The following SMAD5 variants were observed in gnomAD, a reference collection of about 807,000 sequenced individuals.
The protein encoded by SMAD5 is SMAD family member 5.
A neutral mutation model predicts 43.1 loss-of-function variants in SMAD5; 9 were observed. The observed-to-expected ratio is 0.21, with a 90% confidence interval of 0.13 to 0.36. SMAD5 has a LOEUF of 0.36. Ranked by LOEUF, SMAD5 falls within the 10% of genes least tolerant of loss-of-function variation. The probability of loss-of-function intolerance (pLI) is 1.00; values close to 1 mark genes in which losing one functional copy is unlikely to be tolerated. For synonymous variants in SMAD5, 190 were observed against 192.4 expected, an observed-to-expected ratio of 0.99 and a Z score of 0.10; for missense variants, 348 against 574.0, an observed-to-expected ratio of 0.61 and a Z score of 4.02.
rs145556153 is a variant in SMAD5, at chr5:136,170,834, G to A, written c.776-1600G>A. On this transcript the variant is annotated intron_variant, in intron 5 of 7. Coordinates refer to ENST00000545279, the MANE Select transcript of SMAD5 (RefSeq NM_005903.7). Reference sequence around the variant, plus strand: ...AGTATTTAATTTTGGGGATACTAATGTAAATTATAATTTTTTTATTTTAAA... The same window carrying A: ...AGTATTTAATTTTGGGGATACTAATATAAATTATAATTTTTTTATTTTAAA... Among the ~76,000 whole-genome samples, 229 of 152,094 alleles carry A rather than the reference G, an allele frequency of 1.5e-3. 3 individuals are homozygous for A. Among genetic ancestry groups the A allele is most frequent in the African/African-American group, 5.2e-3 (218 of 41,540 alleles).
In SMAD5 at chr5:136,159,708, A is replaced by C. The variant is rs146962167; in HGVS notation, c.404-1148A>C. ...TGCGAGGGGAATAGCAGTTGTTAAC[A>C]CACAGTAGAACAAAACGATTGTAGT... On this transcript the variant is annotated intron_variant, in intron 3 of 7. Transcript: ENST00000545279. Among the ~76,000 whole-genome samples the C allele has an allele frequency of 4.7e-4, 72 of 152,356 alleles. 1 individual carries two copies. The highest frequency in any genetic ancestry group is 1.6e-3 in the African/African-American group (68 of 41,570).
intron 3 of SMAD5, among the ~76,000 whole-genome samples, chr5:136,155,952 C>T (rs1448108940): frequency 6.6e-6 from 1 of 152,136 alleles, no homozygotes; most frequent in African/African-American, 2.4e-5. Flanking sequence ...TGCTGCATGA[C>T]AGATTGCCAC....
chr5:136,182,252 T>C lies in SMAD5; in HGVS notation c.*4772T>C, dbSNP rs1386211450. 6.6e-6 allele frequency: 1 copy of C among 151,994 alleles called. No individual in the cohort carries two copies. Among genetic ancestry groups the C allele is most frequent in the African/African-American group, 2.4e-5 (1 of 41,286 alleles). 9.4% of individuals were successfully genotyped at this position (151,994 alleles called of 1,614,324 possible). ...TTTGTGGAAAAAAAAAAAAAATCTT[T>C]TAGGGTCAGATTTTCCCTTCTAATA... is the stretch of plus-strand genomic sequence containing the variant. On this transcript the variant is annotated 3_prime_UTR_variant, in exon 8 of 8. Coordinates refer to ENST00000545279, the MANE Select transcript of SMAD5 (RefSeq NM_005903.7).
intron 4 of SMAD5, among the ~76,000 whole-genome samples, chr5:136,161,832 TG>T (rs1305156461): frequency 6.6e-6 from 1 of 152,216 alleles, no homozygotes; most frequent in Non-Finnish European, 1.5e-5. Context: ...GATAACGTCT[TG>T]GAAACTGACT....
intron 5 of SMAD5, among the ~76,000 whole-genome samples, chr5:136,170,343 T>G (rs961875058): frequency 6.6e-6 from 1 of 152,196 alleles, no homozygotes; most frequent in Non-Finnish European, 1.5e-5. Flanking sequence ...GAAAAGATTT[T>G]TTTTTCTTCC....
intron 2 of SMAD5, among the ~76,000 whole-genome samples, chr5:136,152,347 C>G (rs1266358330): frequency 6.6e-6 from 1 of 152,066 alleles, no homozygotes; most frequent in African/African-American, 2.4e-5. Context: ...AACAAAGAAT[C>G]AATAATTATT....
intron 5 of SMAD5, among the ~76,000 whole-genome samples, chr5:136,170,339 AT>A (rs899083613): frequency 5.3e-5 from 8 of 151,320 alleles, no homozygotes; most frequent in African/African-American, 1.9e-4. Context: ...TTTTGAAAAG[AT>A]TTTTTTTTCT....
chr5:136,135,556 CT>C (rs1752845188), intron 1 of SMAD5, among the ~76,000 whole-genome samples: 1 of 152,064 alleles, frequency 6.6e-6, no homozygotes, highest in African/African-American at 2.4e-5. Flanking sequence ...TTTTTCATTT[CT>C]TAATACAGTT....
chr5:136,151,581 G>GA (rs1753463388), intron 2 of SMAD5, among the ~76,000 whole-genome samples: 2 of 152,018 alleles, frequency 1.3e-5, no homozygotes, highest in Non-Finnish European at 2.9e-5. Context: ...CCAAGGGCCT[G>GA]ATCATGTATG....
intron 7 of SMAD5, among the ~76,000 whole-genome samples, chr5:136,174,876 G>A (rs1448692211): frequency 6.6e-6 from 1 of 152,136 alleles, no homozygotes; most frequent in East Asian, 1.9e-4. Flanking sequence ...TAGGGGCTGA[G>A]ATTATAAGGA....
intron 5 of SMAD5, among the ~76,000 whole-genome samples, chr5:136,168,308 T>C (rs1754088421): frequency 1.3e-5 from 2 of 152,240 alleles, no homozygotes; most frequent in Non-Finnish European, 2.9e-5. Flanking sequence ...TATTTTATAT[T>C]GTGTATAAAC....
At chr5:136,134,718 T>C (rs1752816528) in intron 1 of SMAD5, 1 of 152,264 alleles carries the variant, frequency 6.6e-6, no homozygotes, top group African/African-American at 2.4e-5. Flanking sequence ...TTTAGATTTA[T>C]AAAGTTTAAT....
At chr5:136,153,405 C>T (rs1244093376) in intron 2 of SMAD5, among the ~76,000 whole-genome samples, 187 bp from the exon 3 acceptor site, 1 of 152,050 alleles carries the variant, frequency 6.6e-6, no homozygotes, top group Non-Finnish European at 1.5e-5. Flanking sequence ...CAGTGTCTTA[C>T]TTGTTCATAT....
intron 2 of SMAD5, among the ~76,000 whole-genome samples, chr5:136,153,338 A>G (rs997378032): frequency 1.3e-5 from 2 of 152,106 alleles, no homozygotes; most frequent in Non-Finnish European, 2.9e-5. Flanking sequence ...CTATTTTTGG[A>G]TAATACATAG....
intron 4 of SMAD5, among the ~76,000 whole-genome samples, 180 bp downstream of exon 4, chr5:136,161,287 C>T (rs968396978): frequency 4.6e-5 from 7 of 151,960 alleles, no homozygotes; most frequent in African/African-American, 7.3e-5. Flanking sequence ...TGCCAATTAC[C>T]GTATGTTTAA....
At chr5:136,173,035 G>T (rs1394434217) in intron 6 of SMAD5, among the ~76,000 whole-genome samples, 2 of 152,154 alleles carry the variant, frequency 1.3e-5, no homozygotes, top group Non-Finnish European at 2.9e-5. Context: ...TGCTGGTGAA[G>T]GATTAGAATT....
chr5:136,147,334 A>G (rs1753293176), intron 1 of SMAD5: 1 of 151,894 alleles, frequency 6.6e-6, no homozygotes, highest in African/African-American at 2.4e-5. Flanking sequence ...GTTAAGTGGT[A>G]TAAAAATAAG....
Position 136,182,335 on chromosome 5 carries a change from T to C in SMAD5, c.*4855T>C, listed in dbSNP as rs565749793. The C allele has an allele frequency of 5.3e-5, 8 of 152,316 alleles. No individual in the cohort carries two copies. The highest frequency in any genetic ancestry group is 1.4e-4 in the African/African-American group (6 of 41,590). 9.4% of individuals were successfully genotyped at this position (152,316 alleles called of 1,614,324 possible). On this transcript the variant is annotated 3_prime_UTR_variant, in exon 8 of 8. Coordinates refer to ENST00000545279, the MANE Select transcript of SMAD5 (RefSeq NM_005903.7). ...TAAAGTATTTTAACTATAGGAACTC[T>C]AGAAGATAATGGTTAGGCAAGTGAT...
chr5:136,162,298 C>CA (rs1334360019), intron 4 of SMAD5, among the ~76,000 whole-genome samples: 4 of 152,184 alleles, frequency 2.6e-5, no homozygotes, highest in African/African-American at 9.7e-5. Context: ...TGTTCAGACT[C>CA]ACACAGACGT....
Sources: gnomAD v4.1 joint callset for allele counts (sites outside exome capture counted in the v4.1 genomes callset) on GRCh38, gnomAD v4.1.1 for gene constraint, MANE v1.5 for transcripts, NCBI Gene and HGNC (gene_info 2026-07-23, HGNC 2026-07-21) for gene names.